Variants in RASSF4 observed in about 807,000 individuals in gnomAD.
RASSF4 encodes ras association domain-containing protein 4.
A neutral mutation model predicts 41.1 loss-of-function variants in RASSF4; 38 were observed. That is an observed-to-expected ratio of 0.92 (90% CI 0.71 to 1.21). The LOEUF (loss-of-function observed/expected upper bound fraction) is 1.21. Among genes scored for constraint, RASSF4 ranks in the 50% most tolerant of loss-of-function variants. RASSF4 has a pLI of 0.00. For synonymous variants in RASSF4, 179 were observed against 163.4 expected, an observed-to-expected ratio of 1.10 and a Z score of -0.73; for missense variants, 414 against 419.4, an observed-to-expected ratio of 0.99 and a Z score of 0.11.
At chr10:44,993,191 T>C in intron 10 of RASSF4, 78 bp from the exon 11 acceptor site, 1 of 1,253,200 alleles carries the variant, frequency 8.0e-7, no homozygotes, top group Non-Finnish European at 1.2e-6. Context: ...GCTGGCCATC[T>C]GCAGGTCCCT....
intron 3 of RASSF4, chr10:44,977,798 G>A: frequency 6.2e-6 from 10 of 1,601,744 alleles, no homozygotes; most frequent in Non-Finnish European, 8.5e-6. Flanking sequence ...GGACACAGCA[G>A]GGCGGCCCTT....
intron 3 of RASSF4, chr10:44,981,232 G>A (rs1238805792): frequency 6.6e-6 from 1 of 152,172 alleles, no homozygotes; most frequent in Non-Finnish European, 1.5e-5. Context: ...ATATGGGTCA[G>A]AAATACTGCA....
intron 4 of RASSF4, chr10:44,983,269 C>T (rs907391148): frequency 3.8e-6 from 1 of 261,046 alleles, no homozygotes; most frequent in Admixed American, 4.9e-5. Flanking sequence ...GAGCTTTGCC[C>T]CCTTCAGATT....
At chr10:44,970,348 T>C in intron 2 of RASSF4, 84 bp downstream of exon 2, 1 of 1,114,302 alleles carries the variant, frequency 9.0e-7, no homozygotes, top group Non-Finnish European at 1.4e-6. Flanking sequence ...GTGGAGGGGT[T>C]CTGAGCACTT....
chr10:44,970,473 A>T (rs1841106330), intron 2 of RASSF4: 1 of 564,760 alleles, frequency 1.8e-6, no homozygotes, highest in South Asian at 2.4e-5. Flanking sequence ...CATGGGCAAT[A>T]GAAAAGAGGC....
intron 5 of RASSF4, 38 bp downstream of exon 5, chr10:44,984,151 A>T (rs1841828912): frequency 1.3e-6 from 2 of 1,542,506 alleles, no homozygotes; most frequent in Admixed American, 2.0e-5. Context: ...CCCCTGCCTC[A>T]TCCGGGGTAG....
chr10:44,992,185 C>T (rs913639880), intron 10 of RASSF4, among the ~76,000 whole-genome samples, 183 bp downstream of exon 10: 3 of 152,238 alleles, frequency 2.0e-5, no homozygotes, highest in Admixed American at 6.5e-5. Context: ...ATTGCCACCA[C>T]GCTGGGGTGA....
intron 3 of RASSF4, among the ~76,000 whole-genome samples, chr10:44,973,309 G>A (rs911271581): frequency 2.6e-5 from 4 of 152,220 alleles, no homozygotes; most frequent in Admixed American, 6.5e-5. Flanking sequence ...GGAGAGAGTT[G>A]GGGTGAGTCC....
At chr10:44,989,454 C>A in intron 7 of RASSF4, 79 bp downstream of exon 7, 1 of 1,113,434 alleles carries the variant, frequency 9.0e-7, no homozygotes, top group Non-Finnish European at 1.3e-6. Context: ...CTGGGGAAAG[C>A]TGCCCGTGGC....
At chr10:44,978,234 A>C in intron 3 of RASSF4, 1 of 568,278 alleles carries the variant, frequency 1.8e-6, no homozygotes, top group South Asian at 2.5e-5. Context: ...TCAGGTTAAA[A>C]ACCCCAAAGG....
intron 3 of RASSF4, chr10:44,982,266 G>A (rs937254355): frequency 9.5e-6 from 5 of 527,606 alleles, no homozygotes; most frequent in South Asian, 2.3e-5. Context: ...CTTCCTGTGG[G>A]ACACCTGACT....
chr10:44,989,277 T>G lies in RASSF4; in HGVS notation c.535T>G (p.Ser179Ala). The G allele has an allele frequency of 6.2e-7, 1 of 1,609,940 alleles. No individual in the cohort carries two copies. The highest frequency in any genetic ancestry group is 8.5e-7 in the Non-Finnish European group (1 of 1,176,296). ...INGHFYNHKT[S>A]VFTPAYGSVT... Reference sequence around the variant, plus strand: ...CTTCTCTCCCTTCCTGGTACAGACCTCCGTGTTTACTCCAGCCTATGGATC... The same window carrying G: ...CTTCTCTCCCTTCCTGGTACAGACCGCCGTGTTTACTCCAGCCTATGGATC... Residue 179 changes from serine to alanine, a missense_variant, in exon 7 of 11, where the codon TCC (serine) becomes GCC (alanine). Physicochemically the swap from Ser to Ala is moderately conservative, Grantham distance 99 (BLOSUM62 1). Transcript: ENST00000340258.
At chr10:44,973,237 C>T (rs1428183353) in intron 3 of RASSF4, among the ~76,000 whole-genome samples, 2 of 152,218 alleles carry the variant, frequency 1.3e-5, no homozygotes, top group Non-Finnish European at 2.9e-5. Flanking sequence ...ACTCCCCAGG[C>T]CGGGCACCCT....
chr10:44,969,665 A>G (rs1841064675), intron 1 of RASSF4, among the ~76,000 whole-genome samples: 21 of 152,204 alleles, frequency 1.4e-4, no homozygotes, highest in Admixed American at 1.4e-3. Flanking sequence ...ACTGGAGGAG[A>G]TAACTCAGAG....
chr10:44,961,034 G>A (rs1239735194), intron 1 of RASSF4, among the ~76,000 whole-genome samples: 2 of 152,184 alleles, frequency 1.3e-5, no homozygotes, highest in Non-Finnish European at 2.9e-5. Context: ...GAGAGGGTCA[G>A]AGGAGAAAGA....
chr10:44,987,333 G>A lies in RASSF4; in HGVS notation c.532-1941G>A, dbSNP rs539398279. On this transcript the variant is annotated intron_variant, in intron 6 of 10. Coordinates refer to ENST00000340258, the MANE Select transcript of RASSF4 (RefSeq NM_032023.4). ...AGACTGGTCTTGAACTCCTGACCTCGTGATCCGCCCGCCTTTGCCTACCAA... is the reference window on the plus strand; with the variant it reads ...AGACTGGTCTTGAACTCCTGACCTCATGATCCGCCCGCCTTTGCCTACCAA... Among the ~76,000 whole-genome samples the A allele has an allele frequency of 2.6e-5, 4 of 152,238 alleles. No individual in the cohort carries two copies. In the South Asian group the frequency reaches 6.2e-4, roughly 24 times the overall value.
At chr10:44,983,082 T>G in intron 4 of RASSF4, 1 of 423,746 alleles carries the variant, frequency 2.4e-6, no homozygotes, top group South Asian at 1.8e-5. Context: ...TATCAGAATT[T>G]CACATTACAT....
chr10:44,991,105 G>A (rs771110977), intron 9 of RASSF4, 36 bp downstream of exon 9: 26 of 1,586,664 alleles, frequency 1.6e-5, no homozygotes, highest in African/African-American at 2.7e-5. Context: ...GCCTGCTCTA[G>A]GGTGAGGGGT....
chr10:44,978,181 A>T (rs936729088), intron 3 of RASSF4: 45 of 811,178 alleles, frequency 5.5e-5, no homozygotes, highest in Non-Finnish European at 7.7e-5. Flanking sequence ...AAGTCTACAG[A>T]GCCCAGACCA....
Sources: allele counts gnomAD v4.1 joint callset (sites outside exome capture counted in the v4.1 genomes callset), GRCh38; gene constraint gnomAD v4.1.1; transcripts MANE v1.5; gene names NCBI Gene and HGNC (gene_info 2026-07-23, HGNC 2026-07-21).